Variants in DPPA2 observed in about 807,000 individuals in gnomAD.
The protein encoded by DPPA2 is developmental pluripotency-associated protein 2.
In DPPA2, 26 loss-of-function variants were observed where a neutral mutation model predicts 36.2. That is an observed-to-expected ratio of 0.72 (90% confidence interval 0.53 to 1.00). DPPA2 has a LOEUF of 1.00. DPPA2 is among the 50% of genes least tolerant of loss of function. The pLI, the probability that DPPA2 is intolerant of heterozygous loss-of-function variation, is 0.00. For missense variants in DPPA2, 361 were observed against 365.1 expected, an observed-to-expected ratio of 0.99 and a Z score of 0.09; for synonymous variants, 113 against 123.2, an observed-to-expected ratio of 0.92 and a Z score of 0.55.
intron 7 of DPPA2, among the ~76,000 whole-genome samples, chr3:109,302,688 G>A (rs1009713636): frequency 2.7e-5 from 4 of 149,296 alleles, no homozygotes; most frequent in Admixed American, 6.8e-5. Context: ...TCCTGACCTC[G>A]TGATCCGCCC....
At chr3:109,309,118 A>AAAG (rs1559698577) in intron 4 of DPPA2, 39 bp from the exon 5 acceptor site, 1 of 1,614,022 alleles carries the variant, frequency 6.2e-7, no homozygotes, top group African/African-American at 1.3e-5. Flanking sequence ...AAAAGTTGAC[A>AAAG]AAGACTCCCA....
intron 2 of DPPA2, 149 bp downstream of exon 2, chr3:109,314,360 CA>C (rs1707755982): frequency 5.1e-6 from 4 of 778,622 alleles, no homozygotes. Flanking sequence ...AGAAAACTAA[CA>C]ATCTATTTGC....
chr3:109,297,345 G>A (rs926649819), intron 8 of DPPA2, among the ~76,000 whole-genome samples: 8 of 152,112 alleles, frequency 5.3e-5, no homozygotes, highest in African/African-American at 7.2e-5. Context: ...CCAACATGGC[G>A]AGACCCCATC....
At position 109,297,881 on chromosome 3, in the gene DPPA2, A is replaced by G. The variant is rs572888849; in HGVS notation, c.*22+2490T>C. 5.9e-5 allele frequency among the ~76,000 whole-genome samples: 9 copies of G among 152,260 alleles called. No homozygotes were observed. In the East Asian group the frequency reaches 1.7e-3, roughly 29 times the overall value. On this transcript the variant is annotated intron_variant, in intron 8 of 8. Transcript: ENST00000478945. The stretch of plus-strand genomic sequence containing the variant: ...CAGCACTTTGGGAGGCTAAGGCAGA[A>G]GGACAGCTTGAGGCCAGAAGTTTGA...
rs774326580 is a variant in DPPA2, at chr3:109,314,501, G to A, written c.33+9C>T. 1.2e-6 allele frequency: 2 copies of A among 1,608,770 alleles called. No individual in the cohort carries two copies. The highest frequency in any genetic ancestry group is 2.2e-5 in the South Asian group (2 of 90,306). ...GTGAGAAAAGTAATTCTATTAGAAT[G>A]AAACTTACCTTCTTGCTGCTATCCA... On this transcript the variant is annotated intron_variant, in intron 2 of 8. Transcript: ENST00000478945.
intron 7 of DPPA2, among the ~76,000 whole-genome samples, chr3:109,302,771 A>G (rs1019339226): frequency 6.6e-6 from 1 of 151,248 alleles, no homozygotes; most frequent in East Asian, 1.9e-4. Context: ...AAAAAAAAAA[A>G]GCCCTTAATT....
intron 8 of DPPA2, among the ~76,000 whole-genome samples, chr3:109,299,342 T>G (rs1298192858): frequency 1.3e-5 from 2 of 152,014 alleles, no homozygotes; most frequent in Admixed American, 6.6e-5. Context: ...AAAACCCCGT[T>G]TCTACTAATA....
At chr3:109,308,717 C>T (rs73852688) in intron 5 of DPPA2, among the ~76,000 whole-genome samples, 6,614 of 152,112 alleles carry the variant, frequency 0.043, 387 homozygotes, top group African/African-American at 0.13. Context: ...GGAAGGGTTT[C>T]GGAATATTAG....
chr3:109,305,469 G>A (rs9816656), intron 6 of DPPA2, among the ~76,000 whole-genome samples: 3,728 of 151,936 alleles, frequency 0.025, 156 homozygotes, highest in African/African-American at 0.085. Flanking sequence ...ACAGACAAGC[G>A]TCTGTTTAAA....
chr3:109,303,762 T>G (rs1043900749), intron 7 of DPPA2, among the ~76,000 whole-genome samples: 3 of 152,188 alleles, frequency 2.0e-5, no homozygotes, highest in Admixed American at 6.6e-5. Context: ...AAATGTGTGT[T>G]TTTTTCCTTT....
intron 2 of DPPA2, among the ~76,000 whole-genome samples, chr3:109,313,141 TCTG>T (rs1399571845): frequency 2.6e-5 from 4 of 152,202 alleles, no homozygotes; most frequent in African/African-American, 9.7e-5. Flanking sequence ...CCACTGTAAC[TCTG>T]CTATTTCTGC....
chr3:109,302,917 A>G lies in DPPA2; in HGVS notation c.854+1558T>C, dbSNP rs181538259. Among the ~76,000 whole-genome samples, 10 of 152,232 alleles carry G rather than the reference A, an allele frequency of 6.6e-5. No homozygotes were observed. The East Asian group carries it at 1.5e-3, about 24-fold the overall frequency. Reference sequence around the variant, plus strand: ...GCATGTATATTTTCCTGGAGAGCACATAGTTATCATTATATTCTCAAACAA... The same window carrying G: ...GCATGTATATTTTCCTGGAGAGCACGTAGTTATCATTATATTCTCAAACAA... On this transcript the variant is annotated intron_variant, in intron 7 of 8. Transcript: ENST00000478945.
rs151196049 is a variant in DPPA2 at position 109,315,184 on chromosome 3, G to A, written c.-13-629C>T. ...GAATGTTTTAGAACAGTTATAAGAC[G>A]ATATTGGTAACAAATTACTTATTAC... On this transcript the variant is annotated intron_variant, in intron 1 of 8. Coordinates refer to ENST00000478945, the MANE Select transcript of DPPA2 (RefSeq NM_138815.4). Among the ~76,000 whole-genome samples the A allele has an allele frequency of 3.3e-3, 510 of 152,276 alleles. 1 individual carries two copies. Among genetic ancestry groups the A allele is most frequent in the African/African-American group, 0.011 (476 of 41,560 alleles).
intron 8 of DPPA2, among the ~76,000 whole-genome samples, chr3:109,296,219 C>G (rs755074353): frequency 6.6e-6 from 1 of 152,062 alleles, no homozygotes; most frequent in Non-Finnish European, 1.5e-5. Flanking sequence ...AATTCAACAC[C>G]TAGGCATATC....
At chr3:109,295,620 A>G (rs955023498) in intron 8 of DPPA2, 1 of 82,250 alleles carries the variant, frequency 1.2e-5, no homozygotes, top group Non-Finnish European at 2.4e-5. Flanking sequence ...ATACACAGAT[A>G]TAATATCTAT....
At chr3:109,298,052 A>G (rs142626331) in intron 8 of DPPA2, among the ~76,000 whole-genome samples, 5 of 152,070 alleles carry the variant, frequency 3.3e-5, no homozygotes, top group Non-Finnish European at 7.4e-5. Flanking sequence ...TCAAGGCTGC[A>G]ATGAGCTATG....
rs78283451 is a variant in DPPA2, at chr3:109,314,014, T to C, written c.33+496A>G. On this transcript the variant is annotated intron_variant, in intron 2 of 8. Coordinates refer to ENST00000478945, the MANE Select transcript of DPPA2 (RefSeq NM_138815.4). Reference sequence around the variant, plus strand: ...TACCCAAGCCTAATCTTGAAACTCATTTGGTACCAAGGCCACTGGGAGTAG... The same window carrying C: ...TACCCAAGCCTAATCTTGAAACTCACTTGGTACCAAGGCCACTGGGAGTAG... Among the ~76,000 whole-genome samples the C allele has an allele frequency of 2.6e-5, 4 of 152,146 alleles. No homozygotes were observed. In the East Asian group the frequency reaches 7.7e-4, roughly 29 times the overall value.
intron 7 of DPPA2, 51 bp downstream of exon 7, chr3:109,304,424 T>C: frequency 6.6e-7 from 1 of 1,515,010 alleles, no homozygotes; most frequent in South Asian, 1.3e-5. Context: ...GAAATCCATC[T>C]ATACACCTAC....
intron 2 of DPPA2, among the ~76,000 whole-genome samples, chr3:109,314,148 T>C (rs1707753109): frequency 6.6e-6 from 1 of 152,214 alleles, no homozygotes. Flanking sequence ...AAAAAACTTA[T>C]TTTTAATTTT....
Sources: gnomAD v4.1 joint callset for allele counts (sites outside exome capture counted in the v4.1 genomes callset) on GRCh38, gnomAD v4.1.1 for gene constraint, MANE v1.5 for transcripts, NCBI Gene and HGNC (gene_info 2026-07-23, HGNC 2026-07-21) for gene names.